The following NPAT variants were observed in gnomAD, a reference collection of about 807,000 sequenced individuals.
The protein encoded by NPAT is protein NPAT.
Under a neutral mutation model 130.7 loss-of-function variants are expected in NPAT, and 52 were observed. The observed-to-expected ratio is 0.40, with a 90% CI of 0.32 to 0.50. NPAT has a LOEUF of 0.50. Among genes scored for constraint, NPAT ranks in the 20% least tolerant of loss-of-function variants. NPAT has a pLI of 0.68. For missense variants in NPAT, 1,687 were observed against 1,662.6 expected (o/e 1.01, Z -0.26); for synonymous variants, 580 against 584.8 (o/e 0.99, Z 0.12).
Position 108,161,383 on chromosome 11 carries a change from T to G in NPAT, c.3703A>C (p.Thr1235Pro). 1 of 1,614,160 alleles carries G rather than the reference T, an allele frequency of 6.2e-7. No homozygotes were observed. The highest frequency in any genetic ancestry group is 8.5e-7 in the Non-Finnish European group (1 of 1,180,024). ...GTAATCAAAGAACTGGCGGATTTAG[T>G]TTGTTCTTGTTTTAGATCCTTCACA... ...TAVKDLKQEQ[T>P]KSASSLITTE... The change falls in exon 17 of 18, where the codon ACT becomes CCT. Residue 1235 changes from threonine to proline, a missense_variant. Thr to Pro is a conservative substitution (Grantham distance 38). This residue lies in a region of NPAT where 1,379 missense variants were observed against 1,346.6 expected (regional missense o/e 1.02). Transcript: ENST00000278612.
In NPAT at chr11:108,198,669, T is replaced by C. The variant is rs563019045; in HGVS notation, c.38-1249A>G. On this transcript the variant is annotated intron_variant, in intron 1 of 17. Transcript: ENST00000278612. ...ATGGTGCTTTTTCCAGGTTCACCCA[T>C]GGACCAATCAGCCTGCACTCTGAGC... 3.7e-4 allele frequency among the ~76,000 whole-genome samples: 57 copies of C among 152,234 alleles called. 1 individual carries two copies. The highest frequency in any genetic ancestry group is 2.1e-3 in the South Asian group (10 of 4,822).
chr11:108,192,826 C>T (rs1335615537), intron 3 of NPAT, among the ~76,000 whole-genome samples: 3 of 152,018 alleles, frequency 2.0e-5, no homozygotes, highest in Non-Finnish European at 2.9e-5. Flanking sequence ...TGGTGGCGTG[C>T]GCCTATAGTC....
chr11:108,195,644 T>C (rs1453526542), intron 2 of NPAT, among the ~76,000 whole-genome samples: 1 of 152,268 alleles, frequency 6.6e-6, no homozygotes, highest in Non-Finnish European at 1.5e-5. Context: ...CCTTTTTTTT[T>C]TGGGACAGGG....
At chr11:108,204,791 A>G (rs2134885369) in intron 1 of NPAT, among the ~76,000 whole-genome samples, 1 of 152,352 alleles carries the variant, frequency 6.6e-6, no homozygotes, top group Admixed American at 6.5e-5. Context: ...AAGGAGACAG[A>G]GTTGTAACAG....
intron 10 of NPAT, among the ~76,000 whole-genome samples, chr11:108,180,360 T>C (rs2078047932): frequency 6.6e-6 from 1 of 152,118 alleles, no homozygotes; most frequent in Admixed American, 6.5e-5. Flanking sequence ...TATATAAGAA[T>C]TCCTATAACT....
intron 13 of NPAT, 159 bp from the exon 14 acceptor site, chr11:108,170,202 A>C (rs1459460261): frequency 3.4e-6 from 2 of 590,224 alleles, no homozygotes; most frequent in African/African-American, 1.9e-5. Context: ...AAAACAAAAC[A>C]AAAAAAACGA....
chr11:108,161,848 T>C lies in NPAT; in HGVS notation c.3238A>G (p.Asn1080Asp), dbSNP rs368693876. 4.3e-6 allele frequency: 7 copies of C among 1,614,152 alleles called. No individual in the cohort carries two copies. In the South Asian group the frequency reaches 5.5e-5, roughly 13 times the overall value. The change falls in exon 17 of 18, where the codon AAC (asparagine) becomes GAC (aspartate). Residue 1080 changes from asparagine (N) to aspartate (D), a missense_variant. By Grantham distance (23) the Asn-to-Asp change is conservative. Coordinates refer to ENST00000278612, the MANE Select transcript of NPAT (RefSeq NM_002519.3). ...TTGTTTTGGGACACCATCTTATGGT[T>C]TGGCCCCTGCGTATTTGCCACAGGA... is the stretch of plus-strand genomic sequence containing the variant. ...TAPVANTQGP[N>D]HKMVSQNKER... is the part of the protein sequence containing the mutation.
At chr11:108,171,124 A>ATTTTTTTTT (rs63478164) in intron 13 of NPAT, 2 of 95,838 alleles carry the variant, frequency 2.1e-5, no homozygotes, top group Non-Finnish European at 4.0e-5. Context: ...TGAAAAAAGG[A>ATTTTTTTTT]TTTTTTTTTT....
At position 108,160,902 on chromosome 11, in the gene NPAT, G is replaced by C; in HGVS notation, c.4184C>G (p.Pro1395Arg). The C allele has an allele frequency of 1.9e-6, 3 of 1,613,518 alleles. No individual in the cohort carries two copies. The highest frequency in any genetic ancestry group is 2.5e-6 in the Non-Finnish European group (3 of 1,179,794). ...SSKNLTNSSIPMKKKKIKKKK... is the reference protein window; with the variant it reads ...SSKNLTNSSIRMKKKKIKKKK... Reference sequence around the variant, plus strand: ...TGCCTTAATTTTCTTCTTTTTCATTGGTATTGATGAATTTGTAAGATTTTT... The same window carrying C: ...TGCCTTAATTTTCTTCTTTTTCATTCGTATTGATGAATTTGTAAGATTTTT... Residue 1395 changes from proline (P) to arginine (R), a missense_variant, in exon 17 of 18, where the codon CCA becomes CGA. Pro to Arg is a moderately radical substitution (Grantham distance 103, BLOSUM62 -2). Coordinates refer to ENST00000278612, the MANE Select transcript of NPAT (RefSeq NM_002519.3).
At position 108,158,007 on chromosome 11, in the gene NPAT, C is replaced by T. The variant is rs189818176; in HGVS notation, c.*935G>A. On this transcript the variant is annotated 3_prime_UTR_variant, in exon 18 of 18. Coordinates refer to ENST00000278612, the MANE Select transcript of NPAT (RefSeq NM_002519.3). ...TATAAAACTATGATTTCTCTTTTTA[C>T]ATCTTATGATGGACACAACACCAGA... 3 of 152,592 alleles carry T rather than the reference C, an allele frequency of 2.0e-5. No individual in the cohort carries two copies. The highest frequency in any genetic ancestry group is 7.2e-5 in the African/African-American group (3 of 41,572). 9.5% of individuals were successfully genotyped at this position (152,592 alleles called of 1,614,324 possible). A position where few individuals can be genotyped will look rare whatever the true frequency, so the allele number is the denominator to read the frequency against.
intron 15 of NPAT, among the ~76,000 whole-genome samples, chr11:108,165,854 C>T (rs1177330075): frequency 1.3e-5 from 2 of 151,734 alleles, no homozygotes; most frequent in East Asian, 2.0e-4. Context: ...AGGATGGTCC[C>T]GATCTCCTGA....
In NPAT at chr11:108,158,687, C is replaced by T. The variant is rs2077817651; in HGVS notation, c.*255G>A. ...CACAGTATTTACAATATGGAATTGT[C>T]AAAGCTATACAGTTTTGCAGATTGG... is the stretch of plus-strand genomic sequence containing the variant. On this transcript the variant is annotated 3_prime_UTR_variant, in exon 18 of 18. Transcript: ENST00000278612. 1 of 395,000 alleles carries T rather than the reference C, an allele frequency of 2.5e-6. No individual in the cohort carries two copies. The highest frequency in any genetic ancestry group is 4.7e-6 in the Non-Finnish European group (1 of 213,994). The allele number at this position is 395,000 out of a possible 1,614,324, so 24.5% of individuals were successfully genotyped here.
chr11:108,202,197 T>C (rs1408625420), intron 1 of NPAT, among the ~76,000 whole-genome samples: 2 of 151,964 alleles, frequency 1.3e-5, no homozygotes, highest in East Asian at 1.9e-4. Context: ...TCACAGCTAA[T>C]AGGTCTCTCA....
intron 1 of NPAT, among the ~76,000 whole-genome samples, chr11:108,210,823 A>G (rs1192539643): frequency 6.6e-6 from 1 of 152,228 alleles, no homozygotes; most frequent in Non-Finnish European, 1.5e-5. Flanking sequence ...TCTTTTTGAA[A>G]TAGTAGGAGA....
chr11:108,189,440 T>C, intron 5 of NPAT, 110 bp from the exon 6 acceptor site: 1 of 882,494 alleles, frequency 1.1e-6, no homozygotes, highest in South Asian at 1.3e-5. Flanking sequence ...CATCCACAGA[T>C]TGAAGAATGA....
At chr11:108,176,168 A>T (rs2078003934) in intron 12 of NPAT, 78 bp downstream of exon 12, 1 of 1,104,920 alleles carries the variant, frequency 9.1e-7, no homozygotes, top group South Asian at 1.3e-5. Context: ...CTACTTCCAA[A>T]TTAATATTTT....
chr11:108,163,482 A>T (rs969024813), intron 15 of NPAT, among the ~76,000 whole-genome samples: 4 of 152,326 alleles, frequency 2.6e-5, no homozygotes, highest in Admixed American at 1.3e-4. Flanking sequence ...GAAAACTGGA[A>T]GTAGAAACTC....
intron 1 of NPAT, among the ~76,000 whole-genome samples, chr11:108,205,253 T>C (rs1236273984): frequency 6.6e-6 from 1 of 152,120 alleles, no homozygotes; most frequent in Admixed American, 6.6e-5. Context: ...CAAAAAAAGG[T>C]CAACCAAGAA....
intron 1 of NPAT, among the ~76,000 whole-genome samples, chr11:108,204,379 G>C (rs1052214330): frequency 1.1e-5 from 1 of 88,472 alleles, no homozygotes; most frequent in Non-Finnish European, 2.2e-5. Flanking sequence ...TCAGCAACAC[G>C]TGGGGTTACC....
Sources: allele counts gnomAD v4.1 joint callset (sites outside exome capture counted in the v4.1 genomes callset), GRCh38; gene constraint gnomAD v4.1.1; regional missense constraint gnomAD v4.1.1; transcripts MANE v1.5; gene names NCBI Gene and HGNC (gene_info 2026-07-23, HGNC 2026-07-21).